The following AKAP13 variants were observed in gnomAD, a reference collection of about 807,000 sequenced individuals.
The protein encoded by AKAP13 is A-kinase anchoring protein 13.
AKAP13 carries 80 observed loss-of-function variants against 264.5 expected under a neutral mutation model. The ratio of observed to expected loss-of-function variants is 0.30; its 90% CI spans 0.25 to 0.36. The LOEUF (loss-of-function observed/expected upper bound fraction) is 0.36. Among genes scored for constraint, AKAP13 ranks in the 10% least tolerant of loss-of-function variants. The probability of loss-of-function intolerance (pLI) is 1.00; values close to 1 mark genes in which losing one functional copy is unlikely to be tolerated. For missense variants in AKAP13, 3,712 were observed against 3,435.2 expected (o/e 1.08, Z -2.01); for synonymous variants, 1,380 against 1,250.2 (o/e 1.10, Z -2.19).
chr15:85,681,609 C>T (rs529368097), intron 14 of AKAP13, among the ~76,000 whole-genome samples: 2 of 151,878 alleles, frequency 1.3e-5, no homozygotes, highest in East Asian at 3.9e-4. Context: ...GAAATGAAAT[C>T]CAAAGGTCTC....
At chr15:85,715,370 T>C (rs1309418491) in intron 19 of AKAP13, among the ~76,000 whole-genome samples, 1 of 152,216 alleles carries the variant, frequency 6.6e-6, no homozygotes, top group Non-Finnish European at 1.5e-5. Flanking sequence ...TTACCAATGG[T>C]GTTGCATTGA....
intron 12 of AKAP13, among the ~76,000 whole-genome samples, chr15:85,662,997 C>G (rs1273622763): frequency 1.3e-5 from 2 of 152,188 alleles, no homozygotes; most frequent in African/African-American, 4.8e-5. Flanking sequence ...AGCCCCTCCT[C>G]TTATCCCTGG....
intron 1 of AKAP13, among the ~76,000 whole-genome samples, chr15:85,437,742 A>G (rs2073381639): frequency 6.6e-6 from 1 of 152,268 alleles, no homozygotes; most frequent in Admixed American, 6.5e-5. Context: ...CAATAGATGC[A>G]GAAAAAGCCT....
chr15:85,530,293 T>C (rs1003828327), intron 3 of AKAP13, among the ~76,000 whole-genome samples: 1 of 152,182 alleles, frequency 6.6e-6, no homozygotes, highest in African/African-American at 2.4e-5. Flanking sequence ...GATACTTACT[T>C]TGGCACTTCA....
intron 1 of AKAP13, among the ~76,000 whole-genome samples, chr15:85,433,991 A>T (rs1409303879): frequency 2.0e-5 from 3 of 152,000 alleles, no homozygotes; most frequent in African/African-American, 7.2e-5. Flanking sequence ...CCGAATAGGA[A>T]CAGCTCCGGT....
chr15:85,531,104 G>A (rs912919251), intron 3 of AKAP13, among the ~76,000 whole-genome samples: 4 of 152,092 alleles, frequency 2.6e-5, no homozygotes, highest in African/African-American at 9.7e-5. Flanking sequence ...CAAGTGATCT[G>A]CCTGCCTCGG....
At chr15:85,604,784 A>C (rs930135780) in intron 8 of AKAP13, among the ~76,000 whole-genome samples, 1 of 94,294 alleles carries the variant, frequency 1.1e-5, no homozygotes, top group Non-Finnish European at 2.4e-5. Flanking sequence ...CTTTAGGTTC[A>C]TCAGAATGAG....
At chr15:85,680,714 A>G (rs1338684357) in intron 14 of AKAP13, among the ~76,000 whole-genome samples, 1 of 152,198 alleles carries the variant, frequency 6.6e-6, no homozygotes, top group Non-Finnish European at 1.5e-5. Flanking sequence ...AAAATTTGTA[A>G]CAATAATAGA....
intron 8 of AKAP13, among the ~76,000 whole-genome samples, chr15:85,587,989 C>T (rs2079429670): frequency 6.6e-6 from 1 of 151,824 alleles, no homozygotes; most frequent in African/African-American, 2.4e-5. Flanking sequence ...AGAAACAGTG[C>T]CCTATGCTTT....
intron 8 of AKAP13, among the ~76,000 whole-genome samples, chr15:85,610,822 T>TA (rs1432042770): frequency 2.0e-5 from 3 of 151,264 alleles, no homozygotes; most frequent in East Asian, 3.9e-4. Context: ...CTACTAAAAA[T>TA]AAAAAAATTA....
At chr15:85,408,701 C>G (rs1223910282) in intron 1 of AKAP13, among the ~76,000 whole-genome samples, 1 of 151,538 alleles carries the variant, frequency 6.6e-6, no homozygotes, top group Admixed American at 6.6e-5. Context: ...ATGTATATAC[C>G]ACATTTTGTT....
intron 1 of AKAP13, among the ~76,000 whole-genome samples, chr15:85,443,518 T>G (rs2073786108): frequency 6.6e-6 from 1 of 152,174 alleles, no homozygotes; most frequent in Admixed American, 6.5e-5. Flanking sequence ...TATTATTATT[T>G]GTTTTTGTTA....
intron 8 of AKAP13, among the ~76,000 whole-genome samples, chr15:85,594,733 T>G (rs1438094611): frequency 1.3e-5 from 2 of 152,214 alleles, no homozygotes; most frequent in Admixed American, 6.5e-5. Flanking sequence ...TCATTTGATC[T>G]TTGAGAAAGG....
rs1303289463 is a variant in AKAP13 at position 85,747,220 on chromosome 15, AC to A, written c.*2545del. 4.6e-5 allele frequency: 7 copies of A among 152,006 alleles called. No individual in the cohort carries two copies. The highest frequency in any genetic ancestry group is 1.0e-4 in the Non-Finnish European group (7 of 68,022). The allele number at this position is 152,006 out of a possible 1,614,324, so 9.4% of individuals were successfully genotyped here. On this transcript the variant is annotated 3_prime_UTR_variant, in exon 37 of 37. Coordinates refer to ENST00000394518, the MANE Select transcript of AKAP13 (RefSeq NM_007200.5). ...CGCTTACCAAGAACTGTGCTTACAT[AC>A]CTTTGTCATCTCTCTTCCCCCCTTG...
intron 17 of AKAP13, among the ~76,000 whole-genome samples, chr15:85,705,794 G>T (rs909966932): frequency 7.3e-6 from 1 of 136,612 alleles, no homozygotes; most frequent in East Asian, 2.7e-4. Context: ...TTGTTTCCCT[G>T]CCCCATGCAT....
intron 8 of AKAP13, among the ~76,000 whole-genome samples, chr15:85,602,270 G>C (rs2080117105): frequency 6.6e-6 from 1 of 151,970 alleles, no homozygotes; most frequent in African/African-American, 2.4e-5. Context: ...CTACCACCCA[G>C]GTTCAAGGCA....
chr15:85,673,745 G>A (rs182749129), intron 14 of AKAP13, among the ~76,000 whole-genome samples: 16 of 128,874 alleles, frequency 1.2e-4, no homozygotes, highest in Non-Finnish European at 2.2e-4. Flanking sequence ...GAGTGCAGTG[G>A]CACGATCTTG....
At chr15:85,405,719 G>A (rs1265781018) in intron 1 of AKAP13, among the ~76,000 whole-genome samples, 1 of 152,176 alleles carries the variant, frequency 6.6e-6, no homozygotes, top group Non-Finnish European at 1.5e-5. Context: ...TTTTGTTGCA[G>A]TTTGCAAGCC....
At chr15:85,570,829 AC>A (rs1277018138) in intron 5 of AKAP13, among the ~76,000 whole-genome samples, 1 of 152,092 alleles carries the variant, frequency 6.6e-6, no homozygotes, top group Non-Finnish European at 1.5e-5. Context: ...TGGGTGGAAA[AC>A]CACAGGCAGC....
Sources: allele counts gnomAD v4.1 joint callset (sites outside exome capture counted in the v4.1 genomes callset), GRCh38; gene constraint gnomAD v4.1.1; transcripts MANE v1.5; gene names NCBI Gene and HGNC (gene_info 2026-07-23, HGNC 2026-07-21).